FRMD4B: variants seen among roughly 807,000 people sequenced by gnomAD.
The protein encoded by FRMD4B is FERM domain containing 4B.
FRMD4B carries 74 observed loss-of-function variants against 141.5 expected under a neutral mutation model. The ratio of observed to expected loss-of-function variants is 0.52; its 90% CI spans 0.43 to 0.63. FRMD4B has a LOEUF of 0.63. Ranked by LOEUF, FRMD4B falls within the 30% of genes least tolerant of loss-of-function variation. The pLI, the probability that FRMD4B is intolerant of heterozygous loss-of-function variation, is 0.00. For synonymous variants in FRMD4B, 506 were observed against 467.9 expected (o/e 1.08, Z -1.05); for missense variants, 1,366 against 1,253.4 (o/e 1.09, Z -1.36).
intron 1 of FRMD4B, among the ~76,000 whole-genome samples, chr3:69,461,623 CAAAAAAAAAAAA>C (rs58143332): frequency 2.3e-5 from 1 of 43,464 alleles, no homozygotes; most frequent in African/African-American, 8.7e-5. Context: ...GACTCTGTCT[CAAAAAAAAAAAA>C]AAAAAAAAAA....
chr3:69,244,010 A>G (rs1459480032), intron 7 of FRMD4B, among the ~76,000 whole-genome samples: 4 of 152,090 alleles, frequency 2.6e-5, no homozygotes, highest in African/African-American at 4.8e-5. Context: ...ACACCACTGC[A>G]CTCTAGCCTG....
intron 1 of FRMD4B, among the ~76,000 whole-genome samples, chr3:69,318,166 G>C (rs1281242724): frequency 6.6e-6 from 1 of 152,052 alleles, no homozygotes; most frequent in Non-Finnish European, 1.5e-5. Flanking sequence ...GCAGAGACAG[G>C]ATCTTACTAT....
intron 11 of FRMD4B, among the ~76,000 whole-genome samples, chr3:69,212,026 A>ACC (rs11412664): frequency 4.1e-5 from 6 of 145,328 alleles, no homozygotes; most frequent in South Asian, 4.3e-4. Context: ...CAGAGTAGAC[A>ACC]CCCCCCAAAA....
rs1219238045 is a variant in FRMD4B at position 69,224,501 on chromosome 3, C to T, written c.665+106G>A. The T allele has an allele frequency of 4.3e-6, 3 of 702,328 alleles. No individual in the cohort carries two copies. In the African/African-American group the frequency reaches 5.4e-5, roughly 13 times the overall value. 43.5% of individuals were successfully genotyped at this position (702,328 alleles called of 1,614,324 possible). On this transcript the variant is annotated intron_variant, in intron 8 of 22. Coordinates refer to ENST00000398540, the MANE Select transcript of FRMD4B (RefSeq NM_015123.3). ...ATGGTTACTTTATACAATTGATTGG[C>T]AATGTGATATTTTTCCCACTTATAT...
chr3:69,443,801 T>C (rs1267043509), intron 1 of FRMD4B, among the ~76,000 whole-genome samples: 1 of 152,234 alleles, frequency 6.6e-6, no homozygotes, highest in Non-Finnish European at 1.5e-5. Flanking sequence ...AAACTGCCTT[T>C]GTAAAACTAA....
In FRMD4B at chr3:69,221,888, T is replaced by C. The variant is rs753589228; in HGVS notation, c.701A>G (p.Lys234Arg). ...DRVIEHYLKI[K>R]GLTRGQAVVQ... ...CACAGCTTGACCTCGAGTGAGACCT[T>C]TGATTTTCAAATAATGCTCAATTAC... Residue 234 changes from lysine to arginine, a missense_variant, in exon 9 of 23, where the codon AAA (lysine) becomes AGA (arginine). Coordinates refer to ENST00000398540, the MANE Select transcript of FRMD4B (RefSeq NM_015123.3). The C allele has an allele frequency of 8.3e-6, 13 of 1,572,144 alleles. No individual in the cohort carries two copies. The South Asian group carries it at 1.0e-4, about 12-fold the overall frequency.
chr3:69,317,719 C>A (rs983741334), intron 1 of FRMD4B, among the ~76,000 whole-genome samples: 1 of 128,006 alleles, frequency 7.8e-6, no homozygotes, highest in South Asian at 2.7e-4. Context: ...CGTGCCACTG[C>A]ACTCCAGCCT....
intron 11 of FRMD4B, among the ~76,000 whole-genome samples, chr3:69,202,935 T>C (rs374797515): frequency 2.6e-5 from 4 of 151,960 alleles, no homozygotes; most frequent in Admixed American, 2.0e-4. Flanking sequence ...GAGGAGAATA[T>C]CTTAAGGTTA....
At chr3:69,281,823 C>CAAAA (rs869209332) in intron 5 of FRMD4B, among the ~76,000 whole-genome samples, 35 of 131,472 alleles carry the variant, frequency 2.7e-4, no homozygotes, top group African/African-American at 9.1e-4. Flanking sequence ...GACTCCGTCT[C>CAAAA]AAAAAAAAAA....
At chr3:69,250,333 TGTG>T (rs752014058) in intron 5 of FRMD4B, 1 of 439,828 alleles carries the variant, frequency 2.3e-6, no homozygotes, top group Non-Finnish European at 4.1e-6. Flanking sequence ...TTTAAATAGC[TGTG>T]GTGACGGATT....
At chr3:69,242,169 C>T (rs2093389441) in intron 7 of FRMD4B, among the ~76,000 whole-genome samples, 1 of 152,160 alleles carries the variant, frequency 6.6e-6, no homozygotes, top group South Asian at 2.1e-4. Flanking sequence ...AAACTACCCA[C>T]AGGTACATAA....
At chr3:69,487,829 G>A (rs993168041) in intron 1 of FRMD4B, among the ~76,000 whole-genome samples, 2 of 152,176 alleles carry the variant, frequency 1.3e-5, no homozygotes, top group Non-Finnish European at 2.9e-5. Flanking sequence ...CTGGGAAGAT[G>A]AATACCCAGT....
chr3:69,478,143 T>C (rs563997557), intron 1 of FRMD4B, among the ~76,000 whole-genome samples: 21 of 152,350 alleles, frequency 1.4e-4, no homozygotes, highest in South Asian at 6.2e-4. Context: ...TGTTGATCCT[T>C]TCAAAAAACC....
chr3:69,453,082 T>C (rs750011075), intron 1 of FRMD4B, among the ~76,000 whole-genome samples: 2 of 152,216 alleles, frequency 1.3e-5, no homozygotes, highest in Non-Finnish European at 2.9e-5. Flanking sequence ...ATGGCTTCCA[T>C]ACTGGACAAC....
intron 1 of FRMD4B, among the ~76,000 whole-genome samples, chr3:69,522,262 G>A (rs2107133111): frequency 6.6e-6 from 1 of 152,084 alleles, no homozygotes; most frequent in Middle Eastern, 3.4e-3. Flanking sequence ...CTTGAGGGAG[G>A]AGAGAAATTT....
intron 1 of FRMD4B, among the ~76,000 whole-genome samples, chr3:69,503,429 A>G (rs541153228): frequency 1.3e-5 from 2 of 151,468 alleles, no homozygotes; most frequent in East Asian, 3.9e-4. Flanking sequence ...GCAAACTATC[A>G]CAAGGACAAA....
intron 7 of FRMD4B, among the ~76,000 whole-genome samples, chr3:69,246,351 G>A (rs906475411): frequency 2.0e-5 from 3 of 152,100 alleles, no homozygotes; most frequent in African/African-American, 7.2e-5. Context: ...AGCCACTCAG[G>A]AGGCTGAGAT....
rs2093395858 is a variant in FRMD4B at position 69,242,808 on chromosome 3, C to CA, written c.581+6417dup. ...AGGAGTTCAACACCAGCCTGGCCAA[C>CA]ATGGTGAAACCCCGTCTCTACTAAA... On this transcript the variant is annotated intron_variant, in intron 7 of 22. Transcript: ENST00000398540. 2.0e-5 allele frequency among the ~76,000 whole-genome samples: 3 copies of CA among 151,418 alleles called. No homozygotes were observed. In the South Asian group the frequency reaches 6.3e-4, roughly 32 times the overall value.
chr3:69,466,960 C>A (rs1248509901), intron 1 of FRMD4B, among the ~76,000 whole-genome samples: 1 of 152,166 alleles, frequency 6.6e-6, no homozygotes, highest in Non-Finnish European at 1.5e-5. Flanking sequence ...CCTTCTCTTA[C>A]CAAAGTGCTG....
Sources: allele counts gnomAD v4.1 joint callset (sites outside exome capture counted in the v4.1 genomes callset), GRCh38; gene constraint gnomAD v4.1.1; transcripts MANE v1.5; gene names NCBI Gene and HGNC (gene_info 2026-07-23, HGNC 2026-07-21).